ZWINT: variants seen among roughly 807,000 people sequenced by gnomAD.
The protein encoded by ZWINT is ZW10 interacting kinetochore protein, also known as outer kinetochore KNL1 complex subunit ZWINT.
A neutral mutation model predicts 41.5 loss-of-function variants in ZWINT; 41 were observed. The observed-to-expected ratio is 0.99, with a 90% CI of 0.77 to 1.28. ZWINT has a LOEUF of 1.28. ZWINT is among the 50% of genes most tolerant of loss of function. The pLI is 0.00. For synonymous variants in ZWINT, 132 were observed against 126.8 expected (o/e 1.04, Z -0.28); for missense variants, 369 against 329.7 (o/e 1.12, Z -0.92).
In ZWINT at chr10:56,359,998, A is replaced by T. The variant is rs1838284296; in HGVS notation, c.256+20T>A. The T allele has an allele frequency of 6.2e-7, 1 of 1,613,362 alleles. No homozygotes were observed. ...TTCCCCACTCAGGTCAGCTGCTACT[A>T]CAATCCCCTGCCTACTCACGGCTCG... On this transcript the variant is annotated intron_variant, in intron 3 of 8. Coordinates refer to ENST00000373944, the MANE Select transcript of ZWINT (RefSeq NM_007057.4).
intron 1 of ZWINT, 139 bp downstream of exon 1, chr10:56,361,057 G>A (rs531723973): frequency 3.0e-5 from 27 of 902,116 alleles, no homozygotes; most frequent in Middle Eastern, 6.8e-4. Context: ...ACCTAAGACG[G>A]GACTGCGGTG....
intron 8 of ZWINT, 89 bp from the exon 9 acceptor site, chr10:56,358,274 T>C: frequency 9.9e-7 from 1 of 1,005,030 alleles, no homozygotes; most frequent in Non-Finnish European, 1.6e-6. Flanking sequence ...ACCATCCATC[T>C]GCTCCATGGG....
intron 5 of ZWINT, 132 bp from the exon 6 acceptor site, chr10:56,359,079 G>T: frequency 1.8e-6 from 2 of 1,110,856 alleles, no homozygotes; most frequent in Non-Finnish European, 2.5e-6. Context: ...TTCACTTCAG[G>T]GTGGAGTAGG....
intron 1 of ZWINT, 50 bp downstream of exon 1, chr10:56,361,146 A>G (rs368855230): frequency 6.2e-5 from 100 of 1,608,114 alleles, no homozygotes; most frequent in Admixed American, 1.2e-4. Context: ...AGGGGCCCAC[A>G]AGGTCCTCCC....
chr10:56,359,890 G>A (rs376558696), intron 3 of ZWINT, 37 bp from the exon 4 acceptor site: 3 of 1,609,044 alleles, frequency 1.9e-6, no homozygotes, highest in South Asian at 1.1e-5. Flanking sequence ...CATGAGTGAG[G>A]GTGGCCTGCT....
chr10:56,358,904 C>T lies in ZWINT; in HGVS notation c.524G>A (p.Arg175Lys). 2 of 1,614,100 alleles carry T rather than the reference C, an allele frequency of 1.2e-6. No homozygotes were observed. Among genetic ancestry groups the T allele is most frequent in the Non-Finnish European group, 1.7e-6 (2 of 1,180,014 alleles). ...CTGCTGAGTCCCTGTCTTACGCTCC[C>T]TCACCTCTGCAGAAACCTCCGCCAG... ...QHLAEVSAEV[R>K]ERKTGTQQEL... The change falls in exon 6 of 9, where the codon AGG becomes AAG. Residue 175 changes from arginine to lysine, a missense_variant. By Grantham distance (26) the Arg-to-Lys change is conservative. Transcript: ENST00000373944.
At position 56,360,032 on chromosome 10, in the gene ZWINT, G is replaced by A; in HGVS notation, c.242C>T (p.Ser81Phe). ...DTAKGLDPLA[S>F]EDTSRQKAIA... ...TGCCTACTCACGGCTCGTGTCTTCA[G>A]AAGCCAAGGGGTCGAGACCCTTAGC... The change falls in exon 3 of 9, where the codon TCT (serine) becomes TTT (phenylalanine). Residue 81 changes from serine (S) to phenylalanine (F), a missense_variant. Ser to Phe is a radical substitution (Grantham distance 155). Transcript: ENST00000373944. 6.2e-7 allele frequency: 1 copy of A among 1,614,008 alleles called. No individual in the cohort carries two copies. Among genetic ancestry groups the A allele is most frequent in the Non-Finnish European group, 8.5e-7 (1 of 1,180,004 alleles).
At chr10:56,359,563 G>A in intron 4 of ZWINT, 31 bp from the exon 5 acceptor site, 1 of 1,562,996 alleles carries the variant, frequency 6.4e-7, no homozygotes, top group Admixed American at 1.9e-5. Flanking sequence ...AAGACCAAGA[G>A]AAGTCTATTT....
chr10:56,361,145 C>A (rs1678926638), intron 1 of ZWINT, 51 bp downstream of exon 1: 1 of 1,607,596 alleles, frequency 6.2e-7, no homozygotes, highest in Non-Finnish European at 8.5e-7. Context: ...TAGGGGCCCA[C>A]AAGGTCCTCC....
Position 56,359,492 on chromosome 10 carries a change from TG to T in ZWINT, c.463del (p.Gln155SerfsTer20). ...CGAACCTACCTGTTGTAGCTGCCACTGGTTCTGGACTGCTCTGCGTTTCTCC... is the reference window on the plus strand; with the variant it reads ...CGAACCTACCTGTTGTAGCTGCCACTGTTCTGGACTGCTCTGCGTTTCTCC... ...AMEKRRAVQN[Q>X]WQLQQEKHLQ... On this transcript the variant is annotated frameshift_variant, in exon 5 of 9. Transcript: ENST00000373944. LOFTEE classifies it high-confidence loss of function. 3 of 1,536,368 alleles carry T rather than the reference TG, an allele frequency of 2.0e-6. No homozygotes were observed. Among genetic ancestry groups the T allele is most frequent in the Non-Finnish European group, 1.7e-6 (2 of 1,145,430 alleles).
chr10:56,359,030 G>A, intron 5 of ZWINT, 83 bp from the exon 6 acceptor site: 1 of 1,502,232 alleles, frequency 6.7e-7, no homozygotes, highest in South Asian at 1.2e-5. Context: ...CCTACACCCA[G>A]CTCAGGGCTC....
rs756646407 is a variant in ZWINT at position 56,358,080 on chromosome 10, T to C, written c.*147A>G. ...ACTGAGAGAGATCCAGGGATTTTAA[T>C]CCACAGATGCCAGAGCTTGCTGGGA... is the stretch of plus-strand genomic sequence containing the variant. On this transcript the variant is annotated 3_prime_UTR_variant, in exon 9 of 9. Coordinates refer to ENST00000373944, the MANE Select transcript of ZWINT (RefSeq NM_007057.4). 1.8e-5 allele frequency: 11 copies of C among 606,080 alleles called. No homozygotes were observed. Among genetic ancestry groups the C allele is most frequent in the Non-Finnish European group, 3.2e-5 (10 of 307,774 alleles). 37.5% of individuals were successfully genotyped at this position (606,080 alleles called of 1,614,324 possible). A position where few individuals can be genotyped will look rare whatever the true frequency, so the allele number is the denominator to read the frequency against.
chr10:56,359,617 G>T, intron 4 of ZWINT, 70 bp downstream of exon 4: 1 of 1,598,880 alleles, frequency 6.3e-7, no homozygotes, highest in Non-Finnish European at 8.5e-7. Context: ...GCACAACTCA[G>T]CTTGCTCACT....
At chr10:56,361,273 C>T (rs41305014), upstream of ZWINT, 3 of 1,605,624 alleles carry the variant, frequency 1.9e-6, no homozygotes, top group Non-Finnish European at 2.5e-6. Flanking sequence ...TTCCCACAAT[C>T]CCTAAGATTA....
In ZWINT at chr10:56,358,652, T is replaced by TGCATCA. The variant is rs1554798728; in HGVS notation, c.695_696insTGATGC (p.Ala232_Glu233insAspAla). On this transcript the variant is annotated inframe_insertion, in exon 7 of 9. Coordinates refer to ENST00000373944, the MANE Select transcript of ZWINT (RefSeq NM_007057.4). Reference sequence around the variant, plus strand: ...GGGGTTTATCATCTGGAAGATTCTCTGCCTCAGCCTCAGCCTCAGGGAACA... The same window carrying TGCATCA: ...GGGGTTTATCATCTGGAAGATTCTCTGCATCAGCCTCAGCCTCAGCCTCAGGGAACA... The TGCATCA allele has an allele frequency of 1.4e-5, 23 of 1,613,970 alleles. No homozygotes were observed. In the Admixed American group the frequency reaches 2.3e-4, roughly 16 times the overall value.
Position 56,358,617 on chromosome 10 carries a change from G to A in ZWINT, c.731C>T (p.Thr244Ile), listed in dbSNP as rs1838232526. 1.2e-6 allele frequency: 2 copies of A among 1,614,026 alleles called. No homozygotes were observed. Among genetic ancestry groups the A allele is most frequent in the African/African-American group, 1.3e-5 (1 of 74,888 alleles). ...NLPDDKPQQP[T>I]RPQEQSTGDT... ...TCCTGTACTCTGCTCCTGGGGTCGA[G>A]TCGGCTGCTGGGGTTTATCATCTGG... The change falls in exon 7 of 9, where the codon ACT (threonine) becomes ATT (isoleucine). Residue 244 changes from threonine to isoleucine, a missense_variant. Physicochemically the swap from Thr to Ile is moderately conservative, Grantham distance 89 (BLOSUM62 -1). Transcript: ENST00000373944.
Position 56,358,830 on chromosome 10 carries a change from C to T in ZWINT, c.598G>A (p.Glu200Lys), listed in dbSNP as rs1838241551. ...CTCTGCAGCTTGTCCCGCTCCTGTT[C>T]TGCCTGCTGCTTCAGGTTTCCAAGT... is the stretch of plus-strand genomic sequence containing the variant. ...QKLGNLKQQAEQERDKLQRYQ... is the reference protein window; with the variant it reads ...QKLGNLKQQAKQERDKLQRYQ... Residue 200 changes from glutamate to lysine, a missense_variant, in exon 6 of 9, where the codon GAA becomes AAA. Glu to Lys is a moderately conservative substitution (Grantham distance 56). Coordinates refer to ENST00000373944, the MANE Select transcript of ZWINT (RefSeq NM_007057.4). 1.2e-6 allele frequency: 2 copies of T among 1,613,996 alleles called. No individual in the cohort carries two copies. Among genetic ancestry groups the T allele is most frequent in the Non-Finnish European group, 1.7e-6 (2 of 1,180,048 alleles).
In ZWINT at chr10:56,359,998, A is replaced by G; in HGVS notation, c.256+20T>C. 1 of 1,613,362 alleles carries G rather than the reference A, an allele frequency of 6.2e-7. No homozygotes were observed. Among genetic ancestry groups the G allele is most frequent in the Non-Finnish European group, 8.5e-7 (1 of 1,179,572 alleles). On this transcript the variant is annotated intron_variant, in intron 3 of 8. Transcript: ENST00000373944. The stretch of plus-strand genomic sequence containing the variant: ...TTCCCCACTCAGGTCAGCTGCTACT[A>G]CAATCCCCTGCCTACTCACGGCTCG...
chr10:56,360,549 A>G (rs1838303932), intron 1 of ZWINT, among the ~76,000 whole-genome samples, 166 bp from the exon 2 acceptor site: 1 of 152,266 alleles, frequency 6.6e-6, no homozygotes, highest in African/African-American at 2.4e-5. Context: ...ACAGCCTGCA[A>G]CCAGGAATGG....
Sources: allele counts gnomAD v4.1 joint callset (sites outside exome capture counted in the v4.1 genomes callset), GRCh38; gene constraint gnomAD v4.1.1; transcripts MANE v1.5; gene names NCBI Gene and HGNC (gene_info 2026-07-23, HGNC 2026-07-21).